The following KLHL13 variants were observed in gnomAD, a reference collection of about 807,000 sequenced individuals.
KLHL13 encodes kelch-like protein 13.
KLHL13 carries 10 observed loss-of-function variants against 37.1 expected under a neutral mutation model. The ratio of observed to expected loss-of-function variants is 0.27; its 90% CI spans 0.17 to 0.46. The LOEUF (loss-of-function observed/expected upper bound fraction) is 0.46, where lower values mean the gene tolerates loss of function less well. KLHL13 is among the 20% of genes least tolerant of loss of function. KLHL13 has a pLI of 1.00. For missense variants in KLHL13, 360 were observed against 509.3 expected (o/e 0.71, Z 2.82); for synonymous variants, 163 against 181.2 (o/e 0.90, Z 0.81).
upstream of KLHL13, chrX:117,973,893 C>A: frequency 5.6e-6 from 1 of 179,392 alleles, no homozygotes; most frequent in Non-Finnish European, 8.4e-6. Context: ...ACACTGCTGG[C>A]CAAGCAGGTG....
rs755552949 is a variant in KLHL13, at chrX:117,954,407, C to CGGAT, written c.99-8836_99-8833dup. On this transcript the variant is annotated intron_variant, in intron 1 of 6. Transcript: ENST00000262820. ...ATGGGTAGATTGGTAGATAGGTAGACGGATGGATGGATGGATGGATGGATA... is the reference window on the plus strand; with the variant it reads ...ATGGGTAGATTGGTAGATAGGTAGACGGATGGATGGATGGATGGATGGATGGATA... Among the ~76,000 whole-genome samples, 1,049 of 110,804 alleles carry CGGAT rather than the reference C, an allele frequency of 9.5e-3. 9 individuals carry two copies. Among genetic ancestry groups the CGGAT allele is most frequent in the Middle Eastern group, 0.033 (7 of 214 alleles).
chrX:118,091,185 G>A (rs1344682371), intron 1 of KLHL13, among the ~76,000 whole-genome samples: 3 of 106,579 alleles, frequency 2.8e-5, no homozygotes, highest in African/African-American at 1.0e-4. Context: ...GTTAAATGAC[G>A]AGTTAATGGG....
intron 1 of KLHL13, among the ~76,000 whole-genome samples, chrX:118,053,069 A>C (rs2054634722): frequency 8.9e-6 from 1 of 111,788 alleles, no homozygotes; most frequent in African/African-American, 3.3e-5. Context: ...CAAATGTTTA[A>C]TATTCATTAT....
chrX:118,050,385 A>G (rs961443733), intron 1 of KLHL13, among the ~76,000 whole-genome samples: 3 of 112,319 alleles, frequency 2.7e-5, no homozygotes. Flanking sequence ...GGTGACCCTC[A>G]TATGGCAAAG....
At chrX:117,908,541 T>A (rs1246045300) in intron 5 of KLHL13, among the ~76,000 whole-genome samples, 1 of 111,416 alleles carries the variant, frequency 9.0e-6, no homozygotes, top group Non-Finnish European at 1.9e-5. Context: ...GTGGACTTCC[T>A]GCCTTTATTT....
intron 1 of KLHL13, among the ~76,000 whole-genome samples, chrX:118,077,254 G>A (rs2054938904): frequency 9.0e-6 from 1 of 111,379 alleles, no homozygotes; most frequent in African/African-American, 3.3e-5. Flanking sequence ...ATGAGGCAAT[G>A]CCAAATGTGA....
At chrX:118,001,301 C>T (rs1048928297) in intron 1 of KLHL13, among the ~76,000 whole-genome samples, 27 of 111,545 alleles carry the variant, frequency 2.4e-4, no homozygotes, top group African/African-American at 8.1e-4. Flanking sequence ...AGGACCCCAA[C>T]GAGTTAAGAT....
intron 1 of KLHL13, among the ~76,000 whole-genome samples, chrX:118,029,204 G>A (rs2054308936): frequency 9.0e-6 from 1 of 111,147 alleles, no homozygotes. Flanking sequence ...GTTAGAAGGG[G>A]GGAGTTGAGG....
At chrX:118,041,940 C>A (rs372273839) in intron 1 of KLHL13, among the ~76,000 whole-genome samples, 1 of 111,289 alleles carries the variant, frequency 9.0e-6, no homozygotes, top group East Asian at 2.8e-4. Flanking sequence ...AAAACAAGAC[C>A]CAAAGATCTG....
chrX:118,046,375 T>C (rs2054560341), intron 1 of KLHL13, among the ~76,000 whole-genome samples: 1 of 111,905 alleles, frequency 8.9e-6, no homozygotes, highest in Admixed American at 9.5e-5. Flanking sequence ...GGTAGAATGA[T>C]GGCTACCAGA....
chrX:117,912,880 A>T (rs1416180134), intron 4 of KLHL13, among the ~76,000 whole-genome samples: 1 of 112,077 alleles, frequency 8.9e-6, no homozygotes, highest in Non-Finnish European at 1.9e-5. Context: ...TACTACAAGT[A>T]TCAAAAATAT....
chrX:118,117,091 G>A (rs2055481852), upstream of KLHL13, among the ~76,000 whole-genome samples: 1 of 113,097 alleles, frequency 8.8e-6, no homozygotes, highest in African/African-American at 3.2e-5. Context: ...GAGCCCACAT[G>A]GATTCTAGTG....
intron 1 of KLHL13, among the ~76,000 whole-genome samples, chrX:118,087,983 A>G (rs1371195530): frequency 8.9e-6 from 1 of 112,231 alleles, no homozygotes; most frequent in Non-Finnish European, 1.9e-5. Flanking sequence ...TGAATATTTT[A>G]CACTTTTAGG....
At chrX:117,971,417 T>C (rs761605214) in intron 1 of KLHL13, among the ~76,000 whole-genome samples, 1 of 111,604 alleles carries the variant, frequency 9.0e-6, no homozygotes, top group South Asian at 3.7e-4. Context: ...CTCCATTAAC[T>C]TGTCACCTCC....
chrX:117,947,058 G>T (rs771704110), intron 1 of KLHL13: 1 of 111,982 alleles, frequency 8.9e-6, no homozygotes, highest in Admixed American at 9.5e-5. Flanking sequence ...AAGCATAAAA[G>T]AAACTGGATA....
At position 118,052,228 on chromosome X, in the gene KLHL13, G is replaced by C. The variant is rs774397581; in HGVS notation, c.-56+64280C>G. Among the ~76,000 whole-genome samples, 3 of 110,778 alleles carry C rather than the reference G, an allele frequency of 2.7e-5. No individual in the cohort carries two copies. In the South Asian group the frequency reaches 1.2e-3, roughly 43 times the overall value. On this transcript the variant is annotated intron_variant, in intron 1 of 6. Coordinates refer to the KLHL13 transcript ENST00000371882. ...ATATGAAAAAATCGTAAAAGAAGTAGAGGGCCGGGTGCGGTGGCTCACGCC... is the reference window on the plus strand; with the variant it reads ...ATATGAAAAAATCGTAAAAGAAGTACAGGGCCGGGTGCGGTGGCTCACGCC...
chrX:117,949,913 C>T (rs960169893), intron 1 of KLHL13, among the ~76,000 whole-genome samples: 1 of 111,763 alleles, frequency 8.9e-6, no homozygotes, highest in Non-Finnish European at 1.9e-5. Context: ...GTCTAGCTCA[C>T]ATCAAATAAA....
chrX:117,952,012 C>T (rs986995372), intron 1 of KLHL13, among the ~76,000 whole-genome samples: 3 of 111,634 alleles, frequency 2.7e-5, no homozygotes, highest in Non-Finnish European at 5.6e-5. Context: ...CCATCCCCAT[C>T]AAGCTACCAA....
chrX:117,944,972 A>G (rs1345287088), intron 2 of KLHL13, among the ~76,000 whole-genome samples: 2 of 111,956 alleles, frequency 1.8e-5, no homozygotes, highest in Non-Finnish European at 3.8e-5. Context: ...GACACCAAAT[A>G]AATATAATCT....
Sources: allele counts gnomAD v4.1 joint callset (sites outside exome capture counted in the v4.1 genomes callset), GRCh38; gene constraint gnomAD v4.1.1; transcripts MANE v1.5; gene names NCBI Gene and HGNC (gene_info 2026-07-23, HGNC 2026-07-21).